The following TDRP variants were observed in gnomAD, a reference collection of about 807,000 sequenced individuals.
The protein encoded by TDRP is testis development related protein, also known as testis development-related protein.
Under a neutral mutation model 10.5 loss-of-function variants are expected in TDRP, and 12 were observed. The ratio of observed to expected loss-of-function variants is 1.15; its 90% CI spans 0.73 to 1.86. The LOEUF (loss-of-function observed/expected upper bound fraction) is 1.86, where lower values mean the gene tolerates loss of function less well. TDRP is among the 40% of genes most tolerant of loss of function. TDRP has a pLI of 0.00. For missense variants in TDRP, 353 were observed against 229.2 expected (o/e 1.54, Z -3.49); for synonymous variants, 139 against 95.4 (o/e 1.46, Z -2.67).
chr8:522,702 G>A (rs1050056397), intron 1 of TDRP, among the ~76,000 whole-genome samples: 5 of 152,060 alleles, frequency 3.3e-5, no homozygotes, highest in African/African-American at 7.2e-5. Context: ...CGACTGACTC[G>A]GTGCACCTAA....
At chr8:524,716 A>T (rs116091642) in intron 1 of TDRP, among the ~76,000 whole-genome samples, 3,276 of 152,322 alleles carry the variant, frequency 0.022, 108 homozygotes, top group African/African-American at 0.075. Context: ...GGCAGAAGAA[A>T]GAATTAGTGA....
intron 1 of TDRP, among the ~76,000 whole-genome samples, chr8:500,340 C>G (rs1801253741): frequency 6.6e-6 from 1 of 152,268 alleles, no homozygotes; most frequent in Middle Eastern, 3.4e-3. Context: ...AGGCCAGGAC[C>G]TCTGGCTGGC....
chr8:508,432 T>C (rs555631938), intron 1 of TDRP, among the ~76,000 whole-genome samples: 1 of 152,274 alleles, frequency 6.6e-6, no homozygotes, highest in Admixed American at 6.5e-5. Context: ...TCAGGAAACT[T>C]ACAAAAATGG....
intron 1 of TDRP, among the ~76,000 whole-genome samples, chr8:516,813 T>C (rs1370532331): frequency 2.0e-5 from 3 of 152,210 alleles, no homozygotes; most frequent in Non-Finnish European, 4.4e-5. Flanking sequence ...TACATATGGA[T>C]GTTTATGGCA....
chr8:501,459 G>A (rs998621457), intron 1 of TDRP, among the ~76,000 whole-genome samples: 45 of 151,496 alleles, frequency 3.0e-4, no homozygotes, highest in African/African-American at 1.1e-3. Context: ...CAATTCTCCT[G>A]CCTCAGCCTC....
chr8:540,550 A>C (rs1212997885), intron 1 of TDRP, among the ~76,000 whole-genome samples: 1 of 152,228 alleles, frequency 6.6e-6, no homozygotes, highest in Non-Finnish European at 1.5e-5. Flanking sequence ...TAGATTCATG[A>C]AAACTTGCGT....
rs541663585 is a variant in TDRP at position 532,907 on chromosome 8, A to G, written c.108+11743T>C. On this transcript the variant is annotated intron_variant, in intron 1 of 2. Coordinates refer to ENST00000324079, the MANE Select transcript of TDRP (RefSeq NM_001384899.1). ...AACTGCAGAGCTGAGTGGTTCTGAC[A>G]CTGCATGGACCCCAAAGCCTAAAAC... Among the ~76,000 whole-genome samples the G allele has an allele frequency of 6.6e-5, 10 of 152,316 alleles. No homozygotes were observed. The East Asian group carries it at 1.9e-3, about 29-fold the overall frequency.
intron 1 of TDRP, among the ~76,000 whole-genome samples, chr8:511,188 TCA>T (rs1339196557): frequency 6.6e-6 from 1 of 152,116 alleles, no homozygotes; most frequent in Non-Finnish European, 1.5e-5. Flanking sequence ...GCAAATACTG[TCA>T]CACTGGATTT....
At chr8:544,351 G>A (rs1802578995) in intron 1 of TDRP, among the ~76,000 whole-genome samples, 1 of 152,030 alleles carries the variant, frequency 6.6e-6, no homozygotes, top group South Asian at 2.1e-4. Context: ...AACACGTGCA[G>A]GGGGCACTGG....
At chr8:529,190 C>G (rs1226852667) in intron 1 of TDRP, among the ~76,000 whole-genome samples, 1 of 152,158 alleles carries the variant, frequency 6.6e-6, no homozygotes. Flanking sequence ...CCCTCATAGA[C>G]ATACCCCAGG....
Position 491,717 on chromosome 8 carries a change from G to A in TDRP, c.*682C>T, listed in dbSNP as rs941382841. ...AATGTTTTAAGAAAATAAAGGGACC[G>A]ATTTAGAAGTTCAAAAGAGGTAAAA... On this transcript the variant is annotated 3_prime_UTR_variant, in exon 3 of 3. Transcript: ENST00000324079. The A allele has an allele frequency of 8.1e-6, 12 of 1,476,394 alleles. 1 individual carries two copies. Among genetic ancestry groups the A allele is most frequent in the East Asian group, 5.0e-5 (2 of 39,906 alleles). 91.5% of individuals were successfully genotyped at this position (1,476,394 alleles called of 1,614,324 possible).
At chr8:516,086 G>A (rs1240533743) in intron 1 of TDRP, among the ~76,000 whole-genome samples, 4 of 152,114 alleles carry the variant, frequency 2.6e-5, no homozygotes, top group Non-Finnish European at 5.9e-5. Context: ...ATGCCTGAAT[G>A]GATGGCTGAA....
At chr8:515,167 C>G (rs529513917) in intron 1 of TDRP, among the ~76,000 whole-genome samples, 157 of 152,230 alleles carry the variant, frequency 1.0e-3, no homozygotes, top group African/African-American at 3.7e-3. Context: ...CTGTGCACAG[C>G]CAGAGATCCA....
intron 1 of TDRP, among the ~76,000 whole-genome samples, chr8:520,291 T>C (rs1801867284): frequency 6.6e-6 from 1 of 152,212 alleles, no homozygotes; most frequent in East Asian, 1.9e-4. Context: ...ATTTCCTTCT[T>C]TTCTAAGGCT....
At chr8:543,213 G>C (rs932543131) in intron 1 of TDRP, among the ~76,000 whole-genome samples, 1 of 152,122 alleles carries the variant, frequency 6.6e-6, no homozygotes, top group African/African-American at 2.4e-5. Context: ...TACAGAGGCT[G>C]AGAGAGGAGA....
In TDRP at chr8:491,237, A is replaced by T. The variant is rs563700618; in HGVS notation, c.*1162T>A. Reference sequence around the variant, plus strand: ...AGGGTTTTTGTCTTGTTTTTACGTGAGGGGAATGCACAGTGTAACTGGAGG... The same window carrying T: ...AGGGTTTTTGTCTTGTTTTTACGTGTGGGGAATGCACAGTGTAACTGGAGG... On this transcript the variant is annotated 3_prime_UTR_variant, in exon 3 of 3. Transcript: ENST00000324079. 1.1e-3 allele frequency: 177 copies of T among 166,340 alleles called. 1 individual carries two copies. Among genetic ancestry groups the T allele is most frequent in the Non-Finnish European group, 1.7e-3 (134 of 77,662 alleles). 10.3% of individuals were successfully genotyped at this position (166,340 alleles called of 1,614,324 possible). A position where few individuals can be genotyped will look rare whatever the true frequency, so the allele number is the denominator to read the frequency against.
chr8:493,969 C>T (rs536006146), intron 2 of TDRP, among the ~76,000 whole-genome samples: 4 of 147,660 alleles, frequency 2.7e-5, no homozygotes, highest in East Asian at 3.9e-4. Flanking sequence ...TTTTTTTCAT[C>T]GAACACCACA....
At chr8:512,882 G>C (rs1345427291) in intron 1 of TDRP, among the ~76,000 whole-genome samples, 8 of 151,814 alleles carry the variant, frequency 5.3e-5, no homozygotes, top group Non-Finnish European at 1.2e-4. Context: ...TGAGGTGGGA[G>C]AATCACTTAA....
intron 1 of TDRP, among the ~76,000 whole-genome samples, chr8:516,951 A>G (rs1445073280): frequency 6.6e-6 from 1 of 152,214 alleles, no homozygotes; most frequent in African/African-American, 2.4e-5. Flanking sequence ...TCAAGCCATG[A>G]AAAGACATGA....
Sources: allele counts gnomAD v4.1 joint callset (sites outside exome capture counted in the v4.1 genomes callset), GRCh38; gene constraint gnomAD v4.1.1; transcripts MANE v1.5; gene names NCBI Gene and HGNC (gene_info 2026-07-23, HGNC 2026-07-21).